The following PRKG1 variants were observed in gnomAD, a reference collection of about 807,000 sequenced individuals.
PRKG1 encodes protein kinase cGMP-dependent 1.
PRKG1 carries 35 observed loss-of-function variants against 88.1 expected under a neutral mutation model. That is an observed-to-expected ratio of 0.40 (90% CI 0.30 to 0.53). PRKG1 has a LOEUF of 0.53. PRKG1 is among the 20% of genes least tolerant of loss of function. The pLI is 0.59. For synonymous variants in PRKG1, 303 were observed against 292.5 expected (o/e 1.04, Z -0.37); for missense variants, 540 against 839.8 (o/e 0.64, Z 4.41).
chr10:52,269,251 C>G (rs1446791639), intron 10 of PRKG1, among the ~76,000 whole-genome samples: 1 of 152,050 alleles, frequency 6.6e-6, no homozygotes, highest in Non-Finnish European at 1.5e-5. Context: ...TTCATGCCAT[C>G]TTCCCTAGCT....
At chr10:51,486,188 C>T (rs1840534267) in intron 3 of PRKG1, among the ~76,000 whole-genome samples, 1 of 152,020 alleles carries the variant, frequency 6.6e-6, no homozygotes, top group Admixed American at 6.6e-5. Context: ...CTCTCTGGGA[C>T]TTCTTCATTT....
intron 2 of PRKG1, among the ~76,000 whole-genome samples, chr10:51,212,264 T>G (rs1377902923): frequency 6.6e-6 from 1 of 151,754 alleles, no homozygotes; most frequent in African/African-American, 2.4e-5. Context: ...GCTAGCCATA[T>G]GTAGAAAGCT....
chr10:51,832,605 A>C lies in PRKG1; in HGVS notation c.698+27915A>C, dbSNP rs576334721. Among the ~76,000 whole-genome samples, 61 of 152,258 alleles carry C rather than the reference A, an allele frequency of 4.0e-4. No individual in the cohort carries two copies. The South Asian group carries it at 0.012, about 31-fold the overall frequency. On this transcript the variant is annotated intron_variant, in intron 4 of 17. Coordinates refer to ENST00000373980, the MANE Select transcript of PRKG1 (RefSeq NM_006258.4). Reference sequence around the variant, plus strand: ...GATAATTTTAGTTTCTGATAATTTTAGTCTCTAGAATAAACTGACAGTAAG... The same window carrying C: ...GATAATTTTAGTTTCTGATAATTTTCGTCTCTAGAATAAACTGACAGTAAG...
chr10:52,062,190 T>C (rs1039662290), intron 6 of PRKG1, among the ~76,000 whole-genome samples: 6 of 152,124 alleles, frequency 3.9e-5, no homozygotes, highest in African/African-American at 1.4e-4. Flanking sequence ...TTCATGTACA[T>C]AAACACATCA....
intron 3 of PRKG1, chr10:51,699,691 T>G (rs1207770332): frequency 3.5e-6 from 3 of 865,080 alleles, no homozygotes; most frequent in Non-Finnish European, 5.3e-6. Flanking sequence ...TCCGCTTGCC[T>G]GTGGAACCTG....
intron 7 of PRKG1, among the ~76,000 whole-genome samples, chr10:52,077,393 C>T (rs1448302002): frequency 6.6e-6 from 1 of 152,038 alleles, no homozygotes; most frequent in African/African-American, 2.4e-5. Flanking sequence ...ATATTATCTG[C>T]TTTCTGTCAC....
chr10:51,360,209 T>G (rs1842450630), intron 2 of PRKG1, among the ~76,000 whole-genome samples: 1 of 151,928 alleles, frequency 6.6e-6, no homozygotes, highest in Non-Finnish European at 1.5e-5. Context: ...CTGCTGATAC[T>G]GGAGATGTAT....
Position 51,013,197 on chromosome 10 carries a change from A to C in PRKG1, c.266+21553A>C, listed in dbSNP as rs556532731. Among the ~76,000 whole-genome samples, 309 of 152,310 alleles carry C rather than the reference A, an allele frequency of 2.0e-3. 1 individual carries two copies. Among genetic ancestry groups the C allele is most frequent in the African/African-American group, 7.1e-3 (294 of 41,570 alleles). On this transcript the variant is annotated intron_variant, in intron 1 of 17. Transcript: ENST00000401604. The stretch of plus-strand genomic sequence containing the variant: ...TTATTTTTCATCTGCAAAATGGTTT[A>C]TGAAAAATATATGCCCCATAGAGTA...
intron 9 of PRKG1, among the ~76,000 whole-genome samples, chr10:52,204,488 G>A (rs910047466): frequency 2.0e-5 from 3 of 152,182 alleles, no homozygotes; most frequent in Admixed American, 1.3e-4. Context: ...CATGGCAGAA[G>A]ACCATAAATT....
intron 2 of PRKG1, among the ~76,000 whole-genome samples, chr10:51,166,111 G>A (rs940735391): frequency 6.7e-6 from 1 of 148,864 alleles, no homozygotes; most frequent in Non-Finnish European, 1.5e-5. Context: ...ATTTCGTCTT[G>A]TTTTAGAATA....
At position 50,991,343 on chromosome 10, in the gene PRKG1, C is replaced by A. The variant is rs1315094827; in HGVS notation, c.-36C>A. 4 of 1,493,598 alleles carry A rather than the reference C, an allele frequency of 2.7e-6. No homozygotes were observed. Among genetic ancestry groups the A allele is most frequent in the Non-Finnish European group, 3.6e-6 (4 of 1,123,746 alleles). 92.5% of individuals were successfully genotyped at this position (1,493,598 alleles called of 1,614,324 possible). On this transcript the variant is annotated 5_prime_UTR_variant, in exon 1 of 18. Coordinates refer to the PRKG1 transcript ENST00000401604. The surrounding 1 kb of genome is among the most constrained non-coding windows in gnomAD (Gnocchi z 4.5). Reference sequence around the variant, plus strand: ...CCGCCGCCGCCGCCGCCGCCGCCGCCCGAGAAAAAGTTTCGCGGAGGGGCT... The same window carrying A: ...CCGCCGCCGCCGCCGCCGCCGCCGCACGAGAAAAAGTTTCGCGGAGGGGCT...
At chr10:52,285,544 T>C (rs1010376551) in intron 14 of PRKG1, among the ~76,000 whole-genome samples, 3 of 152,126 alleles carry the variant, frequency 2.0e-5, no homozygotes, top group Non-Finnish European at 4.4e-5. Context: ...TTTTGTGAGT[T>C]CAATGTTTTT....
At chr10:51,155,503 TTA>T (rs1846183887) in intron 2 of PRKG1, among the ~76,000 whole-genome samples, 1 of 151,976 alleles carries the variant, frequency 6.6e-6, no homozygotes, top group South Asian at 2.1e-4. Context: ...CCCAACTAGT[TTA>T]TAGTAGAGTC....
intron 2 of PRKG1, among the ~76,000 whole-genome samples, chr10:51,390,211 A>G (rs1837361010): frequency 6.6e-6 from 1 of 152,210 alleles, no homozygotes; most frequent in Admixed American, 6.5e-5. Context: ...GCCACATACC[A>G]TGGCTTTATA....
intron 4 of PRKG1, among the ~76,000 whole-genome samples, chr10:51,902,275 C>G (rs1841997191): frequency 6.6e-6 from 1 of 151,934 alleles, no homozygotes; most frequent in Non-Finnish European, 1.5e-5. Context: ...TGCCACCATA[C>G]CCAGCTAATT....
At chr10:51,252,128 A>G (rs1364234282) in intron 2 of PRKG1, among the ~76,000 whole-genome samples, 2 of 151,804 alleles carry the variant, frequency 1.3e-5, no homozygotes, top group Non-Finnish European at 3.0e-5. Flanking sequence ...ATCAGACCAT[A>G]TACTGGCACA....
intron 2 of PRKG1, among the ~76,000 whole-genome samples, chr10:51,204,169 G>T (rs1055698068): frequency 2.6e-5 from 4 of 152,118 alleles, no homozygotes; most frequent in African/African-American, 9.7e-5. Context: ...TGGGCCTCTG[G>T]ATTCTATTAT....
intron 2 of PRKG1, among the ~76,000 whole-genome samples, chr10:51,394,146 A>G (rs2132654718): frequency 6.6e-6 from 1 of 152,316 alleles, no homozygotes; most frequent in East Asian, 1.9e-4. Context: ...GCTTCTAAAA[A>G]CAATCACTTT....
At chr10:51,465,367 C>A (rs1839876481) in intron 2 of PRKG1, among the ~76,000 whole-genome samples, 1 of 152,122 alleles carries the variant, frequency 6.6e-6, no homozygotes, top group African/African-American at 2.4e-5. Flanking sequence ...CCCAGAGAGT[C>A]AGAGAAATAG....
Sources: gnomAD v4.1 joint callset for allele counts (sites outside exome capture counted in the v4.1 genomes callset) on GRCh38, gnomAD v4.1.1 for gene constraint, Gnocchi (gnomAD v3.1) non-coding constraint, MANE v1.5 for transcripts, NCBI Gene and HGNC (gene_info 2026-07-23, HGNC 2026-07-21) for gene names.